The following SLCO5A1 variants were observed in gnomAD, a reference collection of about 807,000 sequenced individuals.
SLCO5A1 encodes organic anion transporter polypeptide-related protein 4.
SLCO5A1 carries 39 observed loss-of-function variants against 65.1 expected under a neutral mutation model. That is an observed-to-expected ratio of 0.60 (90% confidence interval 0.46 to 0.78). The LOEUF (loss-of-function observed/expected upper bound fraction) is 0.78, where lower values mean the gene tolerates loss of function less well. Among genes scored for constraint, SLCO5A1 ranks in the 30% least tolerant of loss-of-function variants. The pLI is 0.00. For synonymous variants in SLCO5A1, 438 were observed against 415.7 expected, an observed-to-expected ratio of 1.05 and a Z score of -0.65; for missense variants, 1,029 against 1,069.4, an observed-to-expected ratio of 0.96 and a Z score of 0.53.
At chr8:69,730,797 T>C (rs1380704845) in intron 5 of SLCO5A1, among the ~76,000 whole-genome samples, 1 of 152,204 alleles carries the variant, frequency 6.6e-6, no homozygotes, top group East Asian at 1.9e-4. Context: ...TTTCCAAACA[T>C]GCTCATTTCA....
At chr8:69,683,709 C>A (rs903821283) in intron 6 of SLCO5A1, among the ~76,000 whole-genome samples, 1 of 152,034 alleles carries the variant, frequency 6.6e-6, no homozygotes, top group Non-Finnish European at 1.5e-5. Context: ...ATTACAGGCA[C>A]CTGCCACCAT....
At chr8:69,757,895 A>T (rs1817597908) in intron 3 of SLCO5A1, among the ~76,000 whole-genome samples, 1 of 152,100 alleles carries the variant, frequency 6.6e-6, no homozygotes, top group Non-Finnish European at 1.5e-5. Context: ...TCTCCAGAAG[A>T]CGGCAGGCAG....
Position 69,832,442 on chromosome 8 carries a change from G to T in SLCO5A1, c.232C>A (p.Pro78Thr), listed in dbSNP as rs146746403. 46 of 1,613,140 alleles carry T rather than the reference G, an allele frequency of 2.9e-5. No homozygotes were observed. In the African/African-American group the frequency reaches 5.9e-4, roughly 21 times the overall value. Residue 78 changes from proline to threonine, a missense_variant, in exon 2 of 10, where the codon CCG (proline) becomes ACG (threonine). By Grantham distance (38) the Pro-to-Thr change is conservative (BLOSUM62 -1). Around this residue, in one of 3 missense-constraint regions of SLCO5A1, gnomAD observed 647 missense variants for 647.5 expected, o/e 1.00. Coordinates refer to ENST00000260126, the MANE Select transcript of SLCO5A1 (RefSeq NM_030958.3). This position sits in a 1 kb window ranked among gnomAD's most constrained non-coding sequence, Gnocchi z 4.5. ...GGGGCAGAGGGACTGGGGGCCAACG[G>T]GTTCGGGCCTTGCTTCAACTCCTGG... ...GHQELKQGPN[P>T]LAPSPSAPST... is the part of the protein sequence containing the mutation.
intron 9 of SLCO5A1, among the ~76,000 whole-genome samples, chr8:69,674,858 T>TAAAA (rs201701403): frequency 2.7e-5 from 2 of 74,294 alleles, no homozygotes; most frequent in African/African-American, 7.5e-5. Flanking sequence ...CCATCTCTAC[T>TAAAA]AAAAAAAAAA....
chr8:69,686,608 T>A (rs1233055301), intron 6 of SLCO5A1, among the ~76,000 whole-genome samples: 1 of 152,146 alleles, frequency 6.6e-6, no homozygotes, highest in African/African-American at 2.4e-5. Flanking sequence ...ACGAAGAAAT[T>A]GAAGATTTGA....
At chr8:69,719,328 T>C (rs1815708743) in intron 5 of SLCO5A1, among the ~76,000 whole-genome samples, 1 of 152,208 alleles carries the variant, frequency 6.6e-6, no homozygotes, top group African/African-American at 2.4e-5. Context: ...AAATAAGTTT[T>C]ACAAGCGCAA....
chr8:69,741,470 T>A (rs1374633940), intron 4 of SLCO5A1, among the ~76,000 whole-genome samples: 1 of 152,234 alleles, frequency 6.6e-6, no homozygotes, highest in Non-Finnish European at 1.5e-5. Flanking sequence ...TCACAGTGAC[T>A]TTATAGAACA....
At chr8:69,828,596 G>C (rs1353351223) in intron 2 of SLCO5A1, among the ~76,000 whole-genome samples, 2 of 149,760 alleles carry the variant, frequency 1.3e-5, no homozygotes, top group Non-Finnish European at 3.0e-5. Flanking sequence ...AGCGAGACTC[G>C]TCTCAAAAAA....
chr8:69,819,488 G>A (rs1371223042), intron 2 of SLCO5A1, among the ~76,000 whole-genome samples: 7 of 152,116 alleles, frequency 4.6e-5, no homozygotes, highest in African/African-American at 7.2e-5. Flanking sequence ...CACTTCTATC[G>A]GTTTTTAAAA....
intron 9 of SLCO5A1, among the ~76,000 whole-genome samples, chr8:69,673,551 ATGCGC>A (rs1286801340): frequency 6.6e-6 from 1 of 152,170 alleles, no homozygotes; most frequent in African/African-American, 2.4e-5. Flanking sequence ...GCCACCCAGA[ATGCGC>A]TGTTGATTTT....
At position 69,669,830 on chromosome 8, in the gene SLCO5A1, A is replaced by C. The variant is rs1813279490; in HGVS notation, c.*3039T>G. ...GACTCTGTCTCAAAAAAAAAAAAAG[A>C]ATCAAATCTTTGCAAGGTAATTAAG... On this transcript the variant is annotated 3_prime_UTR_variant, in exon 10 of 10. Coordinates refer to ENST00000260126, the MANE Select transcript of SLCO5A1 (RefSeq NM_030958.3). The C allele has an allele frequency of 6.6e-6, 1 of 151,500 alleles. No individual in the cohort carries two copies. Among genetic ancestry groups the C allele is most frequent in the South Asian group, 2.1e-4 (1 of 4,806 alleles). The allele number at this position is 151,500 out of a possible 1,614,324, so 9.4% of individuals were successfully genotyped here. A position where few individuals can be genotyped will look rare whatever the true frequency, so the allele number is the denominator to read the frequency against.
At chr8:69,802,282 C>T (rs1273266190) in intron 2 of SLCO5A1, among the ~76,000 whole-genome samples, 1 of 151,998 alleles carries the variant, frequency 6.6e-6, no homozygotes, top group African/African-American at 2.4e-5. Context: ...GTGGGAGGAT[C>T]GCTTGAGTCC....
intron 3 of SLCO5A1, among the ~76,000 whole-genome samples, chr8:69,758,093 T>C (rs964927407): frequency 6.6e-6 from 1 of 152,248 alleles, no homozygotes; most frequent in African/African-American, 2.4e-5. Context: ...AGTGTTATGA[T>C]GGATGTCATA....
chr8:69,753,067 C>A (rs1230856366), intron 4 of SLCO5A1, among the ~76,000 whole-genome samples: 1 of 152,144 alleles, frequency 6.6e-6, no homozygotes, highest in Non-Finnish European at 1.5e-5. Flanking sequence ...TTTTTGAATT[C>A]TCAATGGCCC....
rs1483255058 is a variant in SLCO5A1 at position 69,832,254 on chromosome 8, G to T, written c.420C>A (p.Ile140=). 1.2e-6 allele frequency: 2 copies of T among 1,614,082 alleles called. No homozygotes were observed. The highest frequency in any genetic ancestry group is 1.1e-5 in the South Asian group (1 of 91,090). The change falls in exon 2 of 10, where the codon ATC becomes ATA. Residue 140 remains isoleucine, a synonymous_variant. Transcript: ENST00000260126. The surrounding 1 kb of genome is among the most constrained non-coding windows in gnomAD (Gnocchi z 4.5). ...FLVCMCFLTF[I]QALMVSGYLS... Reference sequence around the variant, plus strand: ...GGTACCCAGAGACCATTAACGCCTGGATGAAGGTCAGAAAGCACATGCACA... The same window carrying T: ...GGTACCCAGAGACCATTAACGCCTGTATGAAGGTCAGAAAGCACATGCACA...
At chr8:69,674,317 G>A (rs989099259) in intron 9 of SLCO5A1, among the ~76,000 whole-genome samples, 3 of 152,162 alleles carry the variant, frequency 2.0e-5, no homozygotes, top group African/African-American at 7.2e-5. Context: ...GAGGAGGGAG[G>A]AAGGAATAAA....
chr8:69,805,139 A>T (rs1295155686), intron 2 of SLCO5A1, among the ~76,000 whole-genome samples: 1 of 151,928 alleles, frequency 6.6e-6, no homozygotes, highest in Non-Finnish European at 1.5e-5. Context: ...TCTCCATTGA[A>T]GCAGAAGGTG....
chr8:69,692,256 A>G lies in SLCO5A1; in HGVS notation c.1623-9913T>C, dbSNP rs559121984. ...AGAGTGAGACTCCATCTCAAAAAAT[A>G]AAAAAGTATAAAAAATAAAAAATGA... On this transcript the variant is annotated intron_variant, in intron 6 of 9. Transcript: ENST00000260126. Among the ~76,000 whole-genome samples, 5 of 152,312 alleles carry G rather than the reference A, an allele frequency of 3.3e-5. No individual in the cohort carries two copies. In the East Asian group the frequency reaches 9.6e-4, roughly 29 times the overall value.
intron 2 of SLCO5A1, among the ~76,000 whole-genome samples, chr8:69,800,928 G>A (rs1658711241): frequency 6.6e-6 from 1 of 152,162 alleles, no homozygotes; most frequent in Admixed American, 6.5e-5. Flanking sequence ...CAACGCCAAA[G>A]GTGCCAGAAA....
Sources: allele counts gnomAD v4.1 joint callset (sites outside exome capture counted in the v4.1 genomes callset), GRCh38; gene constraint gnomAD v4.1.1; regional missense constraint gnomAD v4.1.1; non-coding constraint Gnocchi (gnomAD v3.1); transcripts MANE v1.5; gene names NCBI Gene and HGNC (gene_info 2026-07-23, HGNC 2026-07-21).